The following PRSS3 variants were observed in gnomAD, a reference collection of about 807,000 sequenced individuals.
PRSS3 encodes serine protease 3.
In PRSS3, 14 loss-of-function variants were observed where a neutral mutation model predicts 20.8. The observed-to-expected ratio is 0.67, with a 90% CI of 0.44 to 1.05. PRSS3 has a LOEUF of 1.05. Ranked by LOEUF, PRSS3 falls within the 50% of genes least tolerant of loss-of-function variation. The probability of loss-of-function intolerance (pLI) is 0.00; values close to 1 mark genes in which losing one functional copy is unlikely to be tolerated. For synonymous variants in PRSS3, 91 were observed against 117.6 expected, an observed-to-expected ratio of 0.77 and a Z score of 1.46; for missense variants, 237 against 306.4, an observed-to-expected ratio of 0.77 and a Z score of 1.69.
intron 1 of PRSS3, among the ~76,000 whole-genome samples, chr9:33,752,402 C>A (rs1309033042): frequency 6.6e-6 from 1 of 152,200 alleles, no homozygotes; most frequent in Non-Finnish European, 1.5e-5. Context: ...TGGGTGAGGA[C>A]AGTTTCACCA....
chr9:33,760,420 C>T (rs1411496482), intron 1 of PRSS3, among the ~76,000 whole-genome samples: 1 of 151,978 alleles, frequency 6.6e-6, no homozygotes, highest in Non-Finnish European at 1.5e-5. Flanking sequence ...TTTGGAAGAG[C>T]CATGGAGAGT....
intron 1 of PRSS3, among the ~76,000 whole-genome samples, chr9:33,766,048 C>T (rs1429004311): frequency 6.6e-6 from 1 of 150,636 alleles, no homozygotes; most frequent in African/African-American, 2.4e-5. Flanking sequence ...AGGCAGATCA[C>T]GAGGTCACCA....
intron 1 of PRSS3, among the ~76,000 whole-genome samples, chr9:33,785,182 T>G (rs1824342083): frequency 1.2e-5 from 1 of 83,446 alleles, no homozygotes; most frequent in Non-Finnish European, 2.5e-5. Flanking sequence ...TTTTTTTTTT[T>G]TTTTTTTTTT....
intron 1 of PRSS3, among the ~76,000 whole-genome samples, chr9:33,784,347 T>A (rs1269889176): frequency 2.6e-5 from 4 of 152,200 alleles, no homozygotes; most frequent in African/African-American, 4.8e-5. Context: ...TTTGATACAT[T>A]TGACTAAAAG....
chr9:33,792,172 G>GA (rs978489319), upstream of PRSS3, among the ~76,000 whole-genome samples: 3 of 151,956 alleles, frequency 2.0e-5, no homozygotes, highest in African/African-American at 4.8e-5. Context: ...AAGAAGCTTA[G>GA]AAAAAAAGAA....
At chr9:33,777,306 G>A (rs758948599) in intron 1 of PRSS3, among the ~76,000 whole-genome samples, 3 of 151,876 alleles carry the variant, frequency 2.0e-5, no homozygotes, top group Non-Finnish European at 4.4e-5. Context: ...ATTCTCTTAG[G>A]TAAAAAAGAA....
At chr9:33,752,629 C>T (rs1452421260) in intron 1 of PRSS3, among the ~76,000 whole-genome samples, 2 of 152,228 alleles carry the variant, frequency 1.3e-5, no homozygotes, top group Non-Finnish European at 2.9e-5. Context: ...CCTCCTCACA[C>T]TTTCTTTGAA....
At chr9:33,781,430 A>T (rs1204717398) in intron 1 of PRSS3, among the ~76,000 whole-genome samples, 1 of 152,258 alleles carries the variant, frequency 6.6e-6, no homozygotes, top group African/African-American at 2.4e-5. Context: ...GCAGGAACAG[A>T]AAACCAAATA....
intron 4 of PRSS3, 192 bp downstream of exon 4, chr9:33,798,814 T>C: frequency 1.8e-6 from 2 of 1,096,858 alleles, no homozygotes; most frequent in Non-Finnish European, 2.6e-6. Context: ...GTGGCGGGGC[T>C]GAGGAGGCTC....
At chr9:33,781,892 G>T (rs1418535623) in intron 1 of PRSS3, among the ~76,000 whole-genome samples, 1 of 152,204 alleles carries the variant, frequency 6.6e-6, no homozygotes, top group Non-Finnish European at 1.5e-5. Flanking sequence ...GGCTTACAGG[G>T]TGTGGAGAGG....
intron 1 of PRSS3, among the ~76,000 whole-genome samples, chr9:33,765,750 G>A (rs1823385118): frequency 6.6e-6 from 1 of 152,154 alleles, no homozygotes; most frequent in African/African-American, 2.4e-5. Flanking sequence ...TTGATTTAAT[G>A]GTTTTGGACC....
chr9:33,796,181 C>T (rs1048846025), intron 1 of PRSS3, among the ~76,000 whole-genome samples: 1 of 114,792 alleles, frequency 8.7e-6, no homozygotes, highest in Non-Finnish European at 1.9e-5. Context: ...CAACTCTGCC[C>T]TCACTGCACA....
chr9:33,795,115 C>T (rs1824844780), upstream of PRSS3, among the ~76,000 whole-genome samples: 1 of 152,218 alleles, frequency 6.6e-6, no homozygotes, highest in African/African-American at 2.4e-5. Flanking sequence ...AGACTTTCCT[C>T]CTCTCGTGGG....
intron 1 of PRSS3, among the ~76,000 whole-genome samples, chr9:33,768,017 G>A (rs555322428): frequency 6.6e-6 from 1 of 152,334 alleles, no homozygotes; most frequent in African/African-American, 2.4e-5. Context: ...CCCCCAGCCT[G>A]TGGGCCTTTG....
At chr9:33,776,156 T>C (rs564839228) in intron 1 of PRSS3, among the ~76,000 whole-genome samples, 103 of 152,270 alleles carry the variant, frequency 6.8e-4, no homozygotes, top group Non-Finnish European at 1.4e-3. Flanking sequence ...AATTAAGAAT[T>C]CACTAGATGG....
At position 33,798,606 on chromosome 9, in the gene PRSS3, G is replaced by C; in HGVS notation, c.575G>C (p.Gly192Ala). Reference protein sequence around the residue: ...SMFCVGFLEGGKDSCQRDSGG... With the variant: ...SMFCVGFLEGAKDSCQRDSGG... ...TTCTGTGTGGGCTTCCTTGAGGGAG[G>C]CAAGGATTCCTGCCAGGTGATTTGA... Residue 192 changes from glycine (G) to alanine (A), a missense_variant, in exon 4 of 5, where the codon GGC (glycine) becomes GCC (alanine). By Grantham distance (60) the Gly-to-Ala change is moderately conservative. Coordinates refer to ENST00000379405, the MANE Select transcript of PRSS3 (RefSeq NM_002771.4). The C allele has an allele frequency of 1.2e-6, 2 of 1,614,104 alleles. No homozygotes were observed. The highest frequency in any genetic ancestry group is 1.7e-6 in the Non-Finnish European group (2 of 1,180,004).
intron 1 of PRSS3, among the ~76,000 whole-genome samples, chr9:33,774,417 G>A (rs958415382): frequency 6.6e-6 from 1 of 152,160 alleles, no homozygotes; most frequent in Non-Finnish European, 1.5e-5. Context: ...TTTAGACGAG[G>A]TGAAAGGGAA....
At chr9:33,779,062 G>A (rs752479882) in intron 1 of PRSS3, among the ~76,000 whole-genome samples, 13 of 152,186 alleles carry the variant, frequency 8.5e-5, no homozygotes, top group Non-Finnish European at 1.8e-4. Context: ...CTGGCCCTCT[G>A]AAAGCATCCA....
intron 1 of PRSS3, among the ~76,000 whole-genome samples, chr9:33,788,379 T>C (rs2119043951): frequency 6.6e-6 from 1 of 152,280 alleles, no homozygotes; most frequent in South Asian, 2.1e-4. Flanking sequence ...CAGAACAAGG[T>C]ATTATCTGAT....
Sources: gnomAD v4.1 joint callset for allele counts (sites outside exome capture counted in the v4.1 genomes callset) on GRCh38, gnomAD v4.1.1 for gene constraint, MANE v1.5 for transcripts, NCBI Gene and HGNC (gene_info 2026-07-23, HGNC 2026-07-21) for gene names.